B3GALNT2: variants seen among roughly 807,000 people sequenced by gnomAD.
The protein encoded by B3GALNT2 is beta-1,3-N-acetylgalactosaminyltransferase 2, also known as UDP-GalNAc:beta-1,3-N-acetylgalactosaminyltransferase 2.
A neutral mutation model predicts 61.1 loss-of-function variants in B3GALNT2; 53 were observed. The observed-to-expected ratio is 0.87, with a 90% CI of 0.70 to 1.09. The LOEUF (loss-of-function observed/expected upper bound fraction) is 1.09, where lower values mean the gene tolerates loss of function less well. B3GALNT2 is among the 50% of genes least tolerant of loss of function. The pLI is 0.00. For synonymous variants in B3GALNT2, 223 were observed against 237.4 expected, an observed-to-expected ratio of 0.94 and a Z score of 0.56; for missense variants, 544 against 623.0, an observed-to-expected ratio of 0.87 and a Z score of 1.35.
chr1:235,441,655 A>C, the B3GALNT2 span: 2 of 654,344 alleles, frequency 3.1e-6, no homozygotes, highest in South Asian at 3.6e-5. Flanking sequence ...GTCGTTGTCC[A>C]TCACTCCTAA....
intron 8 of B3GALNT2, 97 bp downstream of exon 8, chr1:235,458,506 G>GTAA: frequency 7.0e-7 from 1 of 1,435,568 alleles, no homozygotes; most frequent in African/African-American, 1.5e-5. Flanking sequence ...GAAACCCCTA[G>GTAA]TAAGGGGTTT....
chr1:235,485,293 G>A (rs1684749818), intron 3 of B3GALNT2, among the ~76,000 whole-genome samples: 1 of 152,164 alleles, frequency 6.6e-6, no homozygotes, highest in Non-Finnish European at 1.5e-5. Context: ...TGTCTAATCA[G>A]TGCCAAAACA....
intron 5 of B3GALNT2, among the ~76,000 whole-genome samples, chr1:235,476,001 T>C (rs1684260132): frequency 6.6e-6 from 1 of 152,062 alleles, no homozygotes; most frequent in Non-Finnish European, 1.5e-5. Flanking sequence ...GCTTGTTTTT[T>C]AAAAGAAAAA....
chr1:235,488,507 C>A (rs1684907726), intron 3 of B3GALNT2, among the ~76,000 whole-genome samples: 1 of 151,198 alleles, frequency 6.6e-6, no homozygotes, highest in Non-Finnish European at 1.5e-5. Flanking sequence ...CACAGTGAAA[C>A]CCCATCTCTA....
chr1:235,485,371 T>TG (rs1181610455), intron 3 of B3GALNT2, among the ~76,000 whole-genome samples: 3 of 152,230 alleles, frequency 2.0e-5, no homozygotes, highest in Non-Finnish European at 4.4e-5. Context: ...TGCAGTGCAG[T>TG]GGCATGAACA....
chr1:235,441,354 G>A, the B3GALNT2 span: 8 of 235,100 alleles, frequency 3.4e-5, no homozygotes, highest in Non-Finnish European at 5.8e-5. Context: ...TGGTGGAAAC[G>A]TGAGAAGTGT....
intron 9 of B3GALNT2, among the ~76,000 whole-genome samples, chr1:235,454,825 A>G (rs571397051): frequency 5.9e-5 from 9 of 152,336 alleles, no homozygotes; most frequent in Admixed American, 1.3e-4. Flanking sequence ...AAATTTTCTC[A>G]AAGTTGCATT....
chr1:235,456,929 T>C (rs1220876376), intron 8 of B3GALNT2, among the ~76,000 whole-genome samples: 3 of 152,072 alleles, frequency 2.0e-5, no homozygotes, highest in East Asian at 3.9e-4. Context: ...CTGCCTAAAC[T>C]TAACCTAGTA....
chr1:235,455,264 A>G (rs994938610), intron 9 of B3GALNT2, among the ~76,000 whole-genome samples: 1 of 152,116 alleles, frequency 6.6e-6, no homozygotes, highest in Non-Finnish European at 1.5e-5. Context: ...TAAGGGCTAC[A>G]GGCTCACATC....
At chr1:235,487,542 T>C (rs1343565993) in intron 3 of B3GALNT2, among the ~76,000 whole-genome samples, 2 of 152,206 alleles carry the variant, frequency 1.3e-5, no homozygotes, top group Admixed American at 6.5e-5. Context: ...ATGGCAAAGC[T>C]TGGATTGAGA....
chr1:235,475,303 T>C (rs936086517), intron 5 of B3GALNT2, among the ~76,000 whole-genome samples: 4 of 151,794 alleles, frequency 2.6e-5, no homozygotes, highest in Admixed American at 6.6e-5. Context: ...AGCCAAAACA[T>C]AAATATTTTA....
At chr1:235,474,985 ATATTT>A (rs1464425631) in intron 5 of B3GALNT2, among the ~76,000 whole-genome samples, 102 of 37,644 alleles carry the variant, frequency 2.7e-3, no homozygotes, top group African/African-American at 5.2e-3. Flanking sequence ...ATATATATAT[ATATTT>A]TTTTTTTTTT....
chr1:235,488,984 A>C (rs1346434889), intron 3 of B3GALNT2, among the ~76,000 whole-genome samples, 184 bp downstream of exon 3: 8 of 152,094 alleles, frequency 5.3e-5, no homozygotes, highest in African/African-American at 1.9e-4. Flanking sequence ...CCGGAGTTTG[A>C]GGTTATAGTG....
Position 235,484,469 on chromosome 1 carries a change from T to C in B3GALNT2, c.408A>G (p.Ser136=), listed in dbSNP as rs575019587. Residue 136 remains serine, a synonymous_variant, in exon 4 of 12, where the codon TCA becomes TCG. Coordinates refer to ENST00000366600, the MANE Select transcript of B3GALNT2 (RefSeq NM_152490.5). ...IEAFSLSEDT[S]SGLPEDRVVS... The stretch of plus-strand genomic sequence containing the variant: ...CAACTCGATCCTCAGGCAGCCCCGA[T>C]GAAGTGTCTTCGGACAGACTGAACG... 6 of 1,614,214 alleles carry C rather than the reference T, an allele frequency of 3.7e-6. No individual in the cohort carries two copies. The African/African-American group carries it at 4.0e-5, about 11-fold the overall frequency.
Position 235,470,975 on chromosome 1 carries a change from T to C in B3GALNT2, c.652-15A>G, listed in dbSNP as rs1683975135. 3 of 1,612,498 alleles carry C rather than the reference T, an allele frequency of 1.9e-6. No individual in the cohort carries two copies. The highest frequency in any genetic ancestry group is 1.3e-5 in the African/African-American group (1 of 75,020). On this transcript the variant is annotated splice_polypyrimidine_tract_variant and intron_variant, in intron 5 of 11. Coordinates refer to ENST00000366600, the MANE Select transcript of B3GALNT2 (RefSeq NM_152490.5). ...CCTTCAAAGCTCTTTTGTAGAAAGA[T>C]GAATAGTGAGTCAATTTCCTTATTG... is the stretch of plus-strand genomic sequence containing the variant.
chr1:235,448,248 A>C lies in B3GALNT2; in HGVS notation c.*1958T>G, dbSNP rs1340240702. 2.3e-6 allele frequency: 2 copies of C among 879,816 alleles called. No individual in the cohort carries two copies. The highest frequency in any genetic ancestry group is 3.8e-6 in the Non-Finnish European group (2 of 526,948). The allele number at this position is 879,816 out of a possible 1,614,324, so 54.5% of individuals were successfully genotyped here. On this transcript the variant is annotated 3_prime_UTR_variant, in exon 12 of 12. Transcript: ENST00000366600. ...AAAAAAAAAAAAAAAAAAGACAGAT[A>C]CAGCTATCATTGCAATGATACTGTG...
Position 235,448,262 on chromosome 1 carries a change from A to G in B3GALNT2, c.*1944T>C, listed in dbSNP as rs1682587657. 9 of 975,692 alleles carry G rather than the reference A, an allele frequency of 9.2e-6. No homozygotes were observed. The highest frequency in any genetic ancestry group is 1.3e-5 in the Non-Finnish European group (8 of 602,100). The allele number at this position is 975,692 out of a possible 1,614,324, so 60.4% of individuals were successfully genotyped here. A position where few individuals can be genotyped will look rare whatever the true frequency, so the allele number is the denominator to read the frequency against. ...AAAAGACAGATACAGCTATCATTGC[A>G]ATGATACTGTGGTCTCATCACATGA... is the stretch of plus-strand genomic sequence containing the variant. On this transcript the variant is annotated 3_prime_UTR_variant, in exon 12 of 12. Transcript: ENST00000366600.
At chr1:235,450,581 A>G in intron 11 of B3GALNT2, 1 of 474,172 alleles carries the variant, frequency 2.1e-6, no homozygotes, top group East Asian at 3.6e-5. Flanking sequence ...ATGAAGAGTT[A>G]GTCAACAAAT....
In B3GALNT2 at chr1:235,474,084, G is replaced by C. The variant is rs75703637; in HGVS notation, c.652-3124C>G. Among the ~76,000 whole-genome samples the C allele has an allele frequency of 9.1e-4, 138 of 152,296 alleles. 2 individuals carry two copies. In the East Asian group the frequency reaches 0.027, roughly 29 times the overall value. ...CATCAGCTGTTTTGTTACTAAGCAAGGAAGAAGCTTTATCTTCCACCTATC... is the reference window on the plus strand; with the variant it reads ...CATCAGCTGTTTTGTTACTAAGCAACGAAGAAGCTTTATCTTCCACCTATC... On this transcript the variant is annotated intron_variant, in intron 5 of 11. Transcript: ENST00000366600.
Sources: allele counts gnomAD v4.1 joint callset (sites outside exome capture counted in the v4.1 genomes callset), GRCh38; gene constraint gnomAD v4.1.1; transcripts MANE v1.5; gene names NCBI Gene and HGNC (gene_info 2026-07-23, HGNC 2026-07-21).